Variants in FGF12 observed in about 807,000 individuals in gnomAD.
FGF12 encodes the protein fibroblast growth factor 12.
A neutral mutation model predicts 23.6 loss-of-function variants in FGF12; 14 were observed. That is an observed-to-expected ratio of 0.59 (90% confidence interval 0.39 to 0.93). The LOEUF is 0.93. FGF12 is among the 40% of genes least tolerant of loss of function. The pLI, the probability that FGF12 is intolerant of heterozygous loss-of-function variation, is 0.00. For missense variants in FGF12, 175 were observed against 217.8 expected (o/e 0.80, Z 1.24); for synonymous variants, 62 against 77.3 (o/e 0.80, Z 1.04).
chr3:192,182,544 T>C (rs1487074763), intron 4 of FGF12, among the ~76,000 whole-genome samples: 2 of 152,028 alleles, frequency 1.3e-5, no homozygotes, highest in African/African-American at 2.4e-5. Context: ...ACCCATGAAA[T>C]AGGCAATCTC....
intron 2 of FGF12, among the ~76,000 whole-genome samples, chr3:192,639,172 G>GA (rs1715696036): frequency 1.3e-5 from 2 of 152,216 alleles, no homozygotes; most frequent in East Asian, 3.9e-4. Context: ...AAAGAAGACA[G>GA]AAAAATGACC....
In FGF12 at chr3:192,712,661, G is replaced by A. The variant is rs868580656; in HGVS notation, c.13+14520C>T. 5.2e-4 allele frequency among the ~76,000 whole-genome samples: 79 copies of A among 151,920 alleles called. 3 individuals are homozygous for A. In the Middle Eastern group the frequency reaches 0.066, roughly 126 times the overall value. On this transcript the variant is annotated intron_variant, in intron 2 of 5. Coordinates refer to ENST00000445105, the MANE Select transcript of FGF12 (RefSeq NM_004113.6). ...TCTAGAATTCTATACCTAACCACAC[G>A]ATTGTTCAAATATGAGGAAAAATGA...
intron 2 of FGF12, among the ~76,000 whole-genome samples, chr3:192,623,287 T>C (rs1164150856): frequency 1.3e-5 from 2 of 152,178 alleles, no homozygotes; most frequent in Non-Finnish European, 2.9e-5. Context: ...CAACAGAAAG[T>C]AAAAATTTAA....
rs191824990 is a variant in FGF12, at chr3:192,165,126, A to G, written c.427+5332T>C. 5.0e-3 allele frequency among the ~76,000 whole-genome samples: 766 copies of G among 151,880 alleles called. 7 individuals carry two copies. The highest frequency in any genetic ancestry group is 0.018 in the African/African-American group (737 of 41,426). On this transcript the variant is annotated intron_variant, in intron 5 of 5. Coordinates refer to ENST00000445105, the MANE Select transcript of FGF12 (RefSeq NM_004113.6). The stretch of plus-strand genomic sequence containing the variant: ...GTACCACCACACCTGGCTAATTTTC[A>G]TATTTTTTAGTAGTGATGACGTTTC...
chr3:192,390,927 T>A (rs1343395828), intron 2 of FGF12, among the ~76,000 whole-genome samples: 2 of 152,154 alleles, frequency 1.3e-5, no homozygotes, highest in Non-Finnish European at 2.9e-5. Context: ...GATAATACAT[T>A]CAAATTAAGG....
chr3:192,618,419 T>A (rs935799341), intron 2 of FGF12, among the ~76,000 whole-genome samples: 2 of 152,042 alleles, frequency 1.3e-5, no homozygotes, highest in African/African-American at 4.8e-5. Context: ...TAAGGCAAGA[T>A]AATAAATAGA....
At chr3:192,651,106 T>G (rs1396348027) in intron 2 of FGF12, among the ~76,000 whole-genome samples, 1 of 152,234 alleles carries the variant, frequency 6.6e-6, no homozygotes, top group Non-Finnish European at 1.5e-5. Flanking sequence ...GTTAAATGTG[T>G]AAATTCAGGT....
At chr3:192,673,296 T>A (rs1313616264) in intron 2 of FGF12, 1 of 151,086 alleles carries the variant, frequency 6.6e-6, no homozygotes, top group East Asian at 1.9e-4. Context: ...TAAAGAACAC[T>A]GTAATACAGA....
chr3:192,277,094 CT>C (rs1713836746), intron 4 of FGF12, among the ~76,000 whole-genome samples: 1 of 152,160 alleles, frequency 6.6e-6, no homozygotes, highest in South Asian at 2.1e-4. Flanking sequence ...ATTTATATGC[CT>C]TTTTCCTCTC....
At chr3:192,714,513 ATTTTTT>A (rs770781442) in intron 2 of FGF12, among the ~76,000 whole-genome samples, 64 of 99,754 alleles carry the variant, frequency 6.4e-4, no homozygotes, top group African/African-American at 2.2e-3. Flanking sequence ...TAAGGAAATA[ATTTTTT>A]TTTTTTTTTT....
chr3:192,475,634 A>T (rs1375973416), intron 2 of FGF12, among the ~76,000 whole-genome samples: 1 of 152,238 alleles, frequency 6.6e-6, no homozygotes, highest in Non-Finnish European at 1.5e-5. Context: ...GCTTTAAGTG[A>T]TTATGGATTC....
intron 2 of FGF12, among the ~76,000 whole-genome samples, chr3:192,677,455 A>G (rs1717368038): frequency 6.6e-6 from 1 of 152,216 alleles, no homozygotes. Flanking sequence ...ATACATACAC[A>G]GGGAGAGAAT....
At chr3:192,275,095 A>G (rs952944626) in intron 4 of FGF12, among the ~76,000 whole-genome samples, 11 of 152,194 alleles carry the variant, frequency 7.2e-5, no homozygotes, top group African/African-American at 2.2e-4. Context: ...AGAGCTATCT[A>G]TAAGTAATCA....
intron 2 of FGF12, among the ~76,000 whole-genome samples, chr3:192,465,409 A>C (rs1285929674): frequency 6.6e-6 from 1 of 152,202 alleles, no homozygotes; most frequent in Non-Finnish European, 1.5e-5. Flanking sequence ...TATTGATAAA[A>C]ATAAACCCAA....
intron 2 of FGF12, among the ~76,000 whole-genome samples, chr3:192,404,621 A>G (rs2108773442): frequency 6.6e-6 from 1 of 152,362 alleles, no homozygotes; most frequent in Non-Finnish European, 1.5e-5. Flanking sequence ...AATGACTCAA[A>G]TAATGACTAT....
chr3:192,551,753 G>GA lies in FGF12; in HGVS notation c.13+175427dup, dbSNP rs200354065. The stretch of plus-strand genomic sequence containing the variant: ...AGAATAAAACTAAACACTCCTCAAA[G>GA]AAAAAAAAAATACTCAATACATACC... On this transcript the variant is annotated intron_variant, in intron 2 of 5. Transcript: ENST00000445105. Among the ~76,000 whole-genome samples, 1,406 of 147,020 alleles carry GA rather than the reference G, an allele frequency of 9.6e-3. 27 individuals carry two copies. The highest frequency in any genetic ancestry group is 0.033 in the African/African-American group (1,334 of 40,296).
chr3:192,330,753 C>T (rs1242939906), intron 4 of FGF12, among the ~76,000 whole-genome samples: 8 of 151,812 alleles, frequency 5.3e-5, no homozygotes, highest in Middle Eastern at 3.4e-3. Context: ...AAAAAACCTC[C>T]TAGAATAAAC....
intron 2 of FGF12, among the ~76,000 whole-genome samples, chr3:192,624,196 TAA>T (rs1031962616): frequency 6.9e-6 from 1 of 144,460 alleles, no homozygotes; most frequent in Non-Finnish European, 1.5e-5. Context: ...ATCTCTTAGA[TAA>T]AAAAAAAAAT....
intron 5 of FGF12, among the ~76,000 whole-genome samples, chr3:192,159,145 A>C (rs1714722313): frequency 6.6e-6 from 1 of 152,148 alleles, no homozygotes; most frequent in South Asian, 2.1e-4. Context: ...TTTAATATTC[A>C]ATATTACCTT....
Sources: allele counts gnomAD v4.1 joint callset (sites outside exome capture counted in the v4.1 genomes callset), GRCh38; gene constraint gnomAD v4.1.1; transcripts MANE v1.5; gene names NCBI Gene and HGNC (gene_info 2026-07-23, HGNC 2026-07-21).